The following RELCH variants were observed in gnomAD, a reference collection of about 807,000 sequenced individuals.
The protein encoded by RELCH is RAB11 binding and LisH domain, coiled-coil and HEAT repeat containing.
A neutral mutation model predicts 150.3 loss-of-function variants in RELCH; 41 were observed. That is an observed-to-expected ratio of 0.27 (90% confidence interval 0.21 to 0.35). RELCH has a LOEUF of 0.35. Among genes scored for constraint, RELCH ranks in the 10% least tolerant of loss-of-function variants. The probability of loss-of-function intolerance (pLI) is 1.00; values close to 1 mark genes in which losing one functional copy is unlikely to be tolerated. For missense variants in RELCH, 1,092 were observed against 1,467.8 expected (o/e 0.74, Z 4.18); for synonymous variants, 478 against 531.8 (o/e 0.90, Z 1.39).
chr18:62,256,478 CTTA>C (rs1164166775), intron 13 of RELCH, among the ~76,000 whole-genome samples: 2 of 151,956 alleles, frequency 1.3e-5, no homozygotes, highest in East Asian at 3.9e-4. Context: ...TTTTGAGCAT[CTTA>C]TTATTTATTG....
At chr18:62,247,253 C>T (rs560621468) in intron 11 of RELCH, 51 of 152,192 alleles carry the variant, frequency 3.4e-4, no homozygotes, top group Admixed American at 1.6e-3. Flanking sequence ...ATAACAGTTA[C>T]TCTAAATTCA....
At chr18:62,196,059 A>T (rs543798721) in intron 1 of RELCH, among the ~76,000 whole-genome samples, 3 of 152,172 alleles carry the variant, frequency 2.0e-5, no homozygotes, top group African/African-American at 4.8e-5. Context: ...ATATCTAACT[A>T]TGCTCGGTGT....
chr18:62,251,995 C>CT (rs1555735551), intron 11 of RELCH, among the ~76,000 whole-genome samples: 2 of 151,736 alleles, frequency 1.3e-5, no homozygotes, highest in African/African-American at 4.8e-5. Flanking sequence ...ATAATTTTTT[C>CT]TTTTTTTCTT....
chr18:62,225,322 CATG>C (rs765617384), intron 5 of RELCH, among the ~76,000 whole-genome samples: 3 of 151,736 alleles, frequency 2.0e-5, no homozygotes, highest in Non-Finnish European at 4.4e-5. Context: ...ACACAAAAAG[CATG>C]ATGTTCTCTG....
chr18:62,210,993 C>A (rs2040125904), intron 1 of RELCH, among the ~76,000 whole-genome samples, 160 bp from the exon 2 acceptor site: 1 of 152,124 alleles, frequency 6.6e-6, no homozygotes, highest in Admixed American at 6.6e-5. Context: ...AACTTGATTG[C>A]TGTGAGCATT....
intron 10 of RELCH, among the ~76,000 whole-genome samples, chr18:62,241,185 C>G (rs532829263): frequency 6.6e-6 from 1 of 152,274 alleles, no homozygotes; most frequent in East Asian, 1.9e-4. Flanking sequence ...CTGACCTGCC[C>G]TTTGCTTTCT....
chr18:62,218,268 A>C (rs778697490), intron 2 of RELCH, among the ~76,000 whole-genome samples: 4 of 151,966 alleles, frequency 2.6e-5, no homozygotes, highest in African/African-American at 7.2e-5. Flanking sequence ...TAGATGACTC[A>C]GACCTATTGA....
At chr18:62,236,494 C>T (rs2148459242) in intron 10 of RELCH, among the ~76,000 whole-genome samples, 1 of 151,962 alleles carries the variant, frequency 6.6e-6, no homozygotes, top group East Asian at 1.9e-4. Flanking sequence ...AGGAACTCTT[C>T]AGTCTGTTTC....
chr18:62,288,336 T>C (rs1487687977), intron 26 of RELCH, among the ~76,000 whole-genome samples: 1 of 152,134 alleles, frequency 6.6e-6, no homozygotes, highest in African/African-American at 2.4e-5. Context: ...CACATTGTTA[T>C]ATACCAGTCT....
intron 22 of RELCH, 78 bp downstream of exon 22, chr18:62,275,551 A>T (rs2044162571): frequency 3.5e-6 from 3 of 854,166 alleles, no homozygotes; most frequent in Non-Finnish European, 5.9e-6. Context: ...AATTTTTTTT[A>T]ATAAAAAGGC....
chr18:62,209,989 G>T (rs567937239), intron 1 of RELCH, among the ~76,000 whole-genome samples: 1 of 152,018 alleles, frequency 6.6e-6, no homozygotes, highest in African/African-American at 2.4e-5. Flanking sequence ...CATTTGTTAC[G>T]TCTAATGTTT....
At chr18:62,238,888 G>A (rs11152339) in intron 10 of RELCH, among the ~76,000 whole-genome samples, 24,680 of 151,966 alleles carry the variant, frequency 0.16, 2,688 homozygotes, top group Middle Eastern at 0.28. Flanking sequence ...TAACAAAAAA[G>A]GCAAAGGAAA....
rs527955346 is a variant in RELCH, at chr18:62,268,809, AT to A, written c.2681-53del. ...TAATTTTAAATATAATCGCATTATGATTTTTTTCTTTACACTTAAAATATAC... is the reference window on the plus strand; with the variant it reads ...TAATTTTAAATATAATCGCATTATGATTTTTTCTTTACACTTAAAATATAC... On this transcript the variant is annotated intron_variant, in intron 19 of 28. Coordinates refer to ENST00000644646, the MANE Select transcript of RELCH (RefSeq NM_001346231.2). The A allele has an allele frequency of 2.5e-3, 2,122 of 862,200 alleles. 8 individuals are homozygous for A. The highest frequency in any genetic ancestry group is 3.3e-3 in the Non-Finnish European group (1,874 of 574,088). The allele number at this position is 862,200 out of a possible 1,614,324, so 53.4% of individuals were successfully genotyped here. A position where few individuals can be genotyped will look rare whatever the true frequency, so the allele number is the denominator to read the frequency against.
In RELCH at chr18:62,244,775, C is replaced by T. The variant is rs1320639942; in HGVS notation, c.1632C>T (p.Pro544=). 1.9e-6 allele frequency: 3 copies of T among 1,608,834 alleles called. No homozygotes were observed. In the African/African-American group the frequency reaches 4.0e-5, roughly 22 times the overall value. The part of the protein sequence containing the change: ...VLLAKREELI[P]LILCTACLHP... ...TCGTATTTCTTTAGGAGTTGATCCC[C>T]CTCATATTGTGTACAGCATGTCTAC... The change falls in exon 11 of 29, where the codon CCC becomes CCT. Residue 544 remains proline, a synonymous_variant. Coordinates refer to ENST00000644646, the MANE Select transcript of RELCH (RefSeq NM_001346231.2).
In RELCH at chr18:62,306,313, C is replaced by T. The variant is rs915953765; in HGVS notation, c.*779C>T. ...CTGGTGTATAGTAGATTTAAATGCT[C>T]AAAAATAAATGTAACTGAGAAGAGT... On this transcript the variant is annotated 3_prime_UTR_variant, in exon 29 of 29. Transcript: ENST00000644646. 13 of 151,986 alleles carry T rather than the reference C, an allele frequency of 8.6e-5. No homozygotes were observed. Among genetic ancestry groups the T allele is most frequent in the Non-Finnish European group, 1.5e-4 (10 of 67,994 alleles). 9.4% of individuals were successfully genotyped at this position (151,986 alleles called of 1,614,324 possible).
chr18:62,188,314 G>A (rs2038308907), intron 1 of RELCH, among the ~76,000 whole-genome samples: 2 of 152,146 alleles, frequency 1.3e-5, no homozygotes. Context: ...TGGCTATTAC[G>A]GGACTCCAGA....
At chr18:62,197,046 T>C (rs1454420805) in intron 1 of RELCH, among the ~76,000 whole-genome samples, 2 of 152,198 alleles carry the variant, frequency 1.3e-5, no homozygotes, top group African/African-American at 2.4e-5. Context: ...ATATTTAGAC[T>C]CTTTATCCTG....
chr18:62,242,120 C>T (rs538021634), intron 10 of RELCH, among the ~76,000 whole-genome samples: 166 of 152,254 alleles, frequency 1.1e-3, no homozygotes, highest in African/African-American at 3.8e-3. Flanking sequence ...ATCCTTTAAA[C>T]TCTGAGTTGT....
At chr18:62,249,751 T>G (rs1288153807) in intron 11 of RELCH, among the ~76,000 whole-genome samples, 3 of 151,890 alleles carry the variant, frequency 2.0e-5, no homozygotes, top group Admixed American at 2.0e-4. Flanking sequence ...TCCACGCTTT[T>G]TTTTTTCTGT....
Sources: gnomAD v4.1 joint callset for allele counts (sites outside exome capture counted in the v4.1 genomes callset) on GRCh38, gnomAD v4.1.1 for gene constraint, MANE v1.5 for transcripts, NCBI Gene and HGNC (gene_info 2026-07-23, HGNC 2026-07-21) for gene names.